FNDC3B: variants seen among roughly 807,000 people sequenced by gnomAD.
FNDC3B encodes the protein fibronectin type III domain-containing protein 3B.
FNDC3B carries 12 observed loss-of-function variants against 151.5 expected under a neutral mutation model. The ratio of observed to expected loss-of-function variants is 0.08; its 90% CI spans 0.05 to 0.13. The LOEUF is 0.13. Among genes scored for constraint, FNDC3B ranks in the 10% least tolerant of loss-of-function variants. The pLI is 1.00. For synonymous variants in FNDC3B, 528 were observed against 549.0 expected, an observed-to-expected ratio of 0.96 and a Z score of 0.54; for missense variants, 1,214 against 1,505.3, an observed-to-expected ratio of 0.81 and a Z score of 3.20.
rs545678879 is a variant in FNDC3B, at chr3:172,252,291, A to G, written c.790+750A>G. Reference sequence around the variant, plus strand: ...GGGAAGAATGACTTAAGTGAGGCAAAAAAGGTAGCATTTGGATAAGGTAGG... The same window carrying G: ...GGGAAGAATGACTTAAGTGAGGCAAGAAAGGTAGCATTTGGATAAGGTAGG... On this transcript the variant is annotated intron_variant, in intron 6 of 25. Coordinates refer to ENST00000415807, the MANE Select transcript of FNDC3B (RefSeq NM_022763.4). Among the ~76,000 whole-genome samples the G allele has an allele frequency of 1.1e-3, 164 of 152,252 alleles. 1 individual carries two copies. The highest frequency in any genetic ancestry group is 1.7e-3 in the Non-Finnish European group (115 of 68,016).
At chr3:172,077,180 T>C (rs996164744) in intron 1 of FNDC3B, among the ~76,000 whole-genome samples, 1 of 152,182 alleles carries the variant, frequency 6.6e-6, no homozygotes, top group African/African-American at 2.4e-5. Context: ...GTGTTTATAA[T>C]AAGTTGAATG....
At chr3:172,176,620 C>G (rs547758200) in intron 3 of FNDC3B, among the ~76,000 whole-genome samples, 1 of 152,046 alleles carries the variant, frequency 6.6e-6, no homozygotes, top group Non-Finnish European at 1.5e-5. Flanking sequence ...TGACAATGGT[C>G]GAATGAGATA....
intron 2 of FNDC3B, among the ~76,000 whole-genome samples, chr3:172,129,986 T>A (rs1720988628): frequency 7.4e-6 from 1 of 135,616 alleles, no homozygotes; most frequent in Non-Finnish European, 1.6e-5. Flanking sequence ...GCTTTGTGGT[T>A]GGGGAGAGGG....
At chr3:172,130,088 C>T (rs1023629335) in intron 2 of FNDC3B, among the ~76,000 whole-genome samples, 5 of 152,020 alleles carry the variant, frequency 3.3e-5, no homozygotes, top group South Asian at 2.1e-4. Context: ...TCATGCTCCT[C>T]GGGGCTGCGT....
intron 3 of FNDC3B, among the ~76,000 whole-genome samples, chr3:172,148,364 A>G (rs114845792): frequency 6.7e-6 from 1 of 150,162 alleles, no homozygotes; most frequent in Non-Finnish European, 1.5e-5. Context: ...GAAGCAGCCA[A>G]TGTGGAGGGT....
chr3:172,077,020 A>G (rs932244582), intron 1 of FNDC3B, among the ~76,000 whole-genome samples: 2 of 152,250 alleles, frequency 1.3e-5, no homozygotes, highest in African/African-American at 2.4e-5. Context: ...CAAAATCTGC[A>G]TAATGAAATT....
chr3:172,101,491 T>A (rs144435680), intron 1 of FNDC3B, among the ~76,000 whole-genome samples: 26 of 152,354 alleles, frequency 1.7e-4, no homozygotes, highest in East Asian at 7.7e-4. Context: ...AATGGTTGAT[T>A]ACCTTTTTTC....
chr3:172,378,996 C>T (rs565429662), intron 24 of FNDC3B, among the ~76,000 whole-genome samples: 2 of 152,296 alleles, frequency 1.3e-5, no homozygotes, highest in African/African-American at 4.8e-5. Context: ...GTTGTGAGAG[C>T]CCCATGTATC....
intron 3 of FNDC3B, among the ~76,000 whole-genome samples, chr3:172,210,504 G>C (rs1725682118): frequency 6.6e-6 from 1 of 152,014 alleles, no homozygotes; most frequent in South Asian, 2.1e-4. Context: ...ATCATGTCTG[G>C]CTAATTTTTT....
rs11348946 is a variant in FNDC3B at position 172,057,683 on chromosome 3, CTT to C, written c.-29+17928_-29+17929del. On this transcript the variant is annotated intron_variant, in intron 1 of 25. Coordinates refer to ENST00000415807, the MANE Select transcript of FNDC3B (RefSeq NM_022763.4). ...AATGCTGGAGAAAAATAACATCTAC[CTT>C]TTTTTTTTTTTTTTTAAATGAGGCA... Among the ~76,000 whole-genome samples, 290 of 139,810 alleles carry C rather than the reference CTT, an allele frequency of 2.1e-3. 1 individual carries two copies. The highest frequency in any genetic ancestry group is 0.014 in the East Asian group (69 of 4,878). The allele number at this position is 139,810 out of a possible 152,430, so 91.7% of individuals were successfully genotyped here.
At chr3:172,241,685 C>A (rs1387397953) in intron 4 of FNDC3B, among the ~76,000 whole-genome samples, 1 of 152,142 alleles carries the variant, frequency 6.6e-6, no homozygotes, top group East Asian at 1.9e-4. Flanking sequence ...TCAGTTACCT[C>A]CCACTCAGTC....
At chr3:172,159,556 A>T (rs1020425649) in intron 3 of FNDC3B, among the ~76,000 whole-genome samples, 1 of 152,232 alleles carries the variant, frequency 6.6e-6, no homozygotes, top group Non-Finnish European at 1.5e-5. Context: ...GTCATCTCCA[A>T]CTTATTCTGA....
rs1370855707 is a variant in FNDC3B, at chr3:172,341,165, C to A, written c.1905C>A (p.Thr635=). The change falls in exon 17 of 26, where the codon ACC becomes ACA. Residue 635 remains threonine, a synonymous_variant. Coordinates refer to ENST00000415807, the MANE Select transcript of FNDC3B (RefSeq NM_022763.4). ...GGTCGGCTACCGAATACACCTTCAC[C>A]CACTTGAAACCAGGCACTTTGTACA... ...YSGSATEYTF[T]HLKPGTLYKL... The A allele has an allele frequency of 6.2e-7, 1 of 1,614,186 alleles. No individual in the cohort carries two copies. Among genetic ancestry groups the A allele is most frequent in the Non-Finnish European group, 8.5e-7 (1 of 1,180,018 alleles).
chr3:172,120,572 G>A (rs1306016117), intron 2 of FNDC3B, among the ~76,000 whole-genome samples: 3 of 151,894 alleles, frequency 2.0e-5, no homozygotes, highest in Non-Finnish European at 2.9e-5. Context: ...AGGCATGGGG[G>A]GGGGTGTGTG....
intron 3 of FNDC3B, among the ~76,000 whole-genome samples, chr3:172,160,157 AT>A (rs1456700216): frequency 3.9e-5 from 6 of 152,184 alleles, no homozygotes; most frequent in Non-Finnish European, 8.8e-5. Flanking sequence ...GGGCATTACT[AT>A]TACACAGTAC....
At chr3:172,092,965 T>A (rs1290229751) in intron 1 of FNDC3B, among the ~76,000 whole-genome samples, 4 of 151,964 alleles carry the variant, frequency 2.6e-5, no homozygotes, top group Non-Finnish European at 5.9e-5. Context: ...ACTACAGGTG[T>A]GCACCACCAC....
intron 1 of FNDC3B, among the ~76,000 whole-genome samples, chr3:172,081,031 T>C (rs1576844420): frequency 6.6e-6 from 1 of 152,234 alleles, no homozygotes; most frequent in South Asian, 2.1e-4. Flanking sequence ...AGATTTTACT[T>C]TAACAATTGA....
At chr3:172,300,503 G>T (rs1730851842) in intron 9 of FNDC3B, among the ~76,000 whole-genome samples, 1 of 151,824 alleles carries the variant, frequency 6.6e-6, no homozygotes, top group Non-Finnish European at 1.5e-5. Context: ...GTAAATTTGA[G>T]AACACTTGCT....
intron 1 of FNDC3B, among the ~76,000 whole-genome samples, chr3:172,070,670 T>C (rs1221747039): frequency 1.3e-5 from 2 of 152,214 alleles, no homozygotes; most frequent in African/African-American, 4.8e-5. Flanking sequence ...ATGAGCTTTT[T>C]AAAAACATTG....
Sources: allele counts gnomAD v4.1 joint callset (sites outside exome capture counted in the v4.1 genomes callset), GRCh38; gene constraint gnomAD v4.1.1; transcripts MANE v1.5; gene names NCBI Gene and HGNC (gene_info 2026-07-23, HGNC 2026-07-21).